Variants in ERBB4 observed in about 807,000 individuals in gnomAD.
ERBB4 encodes the protein receptor tyrosine-protein kinase erbB-4.
A neutral mutation model predicts 158.0 loss-of-function variants in ERBB4; 42 were observed. The ratio of observed to expected loss-of-function variants is 0.27; its 90% CI spans 0.21 to 0.34. The LOEUF is 0.34. ERBB4 is among the 10% of genes least tolerant of loss of function. The pLI is 1.00. For missense variants in ERBB4, 1,333 were observed against 1,624.1 expected, an observed-to-expected ratio of 0.82 and a Z score of 3.08; for synonymous variants, 583 against 558.7, an observed-to-expected ratio of 1.04 and a Z score of -0.61.
intron 1 of ERBB4, among the ~76,000 whole-genome samples, chr2:212,150,569 C>A (rs1440398918): frequency 1.3e-5 from 2 of 152,204 alleles, no homozygotes; most frequent in South Asian, 4.2e-4. Context: ...CCTCCTTTGC[C>A]TTACTTCCTT....
At chr2:212,261,448 T>C (rs748969955) in intron 1 of ERBB4, among the ~76,000 whole-genome samples, 3 of 151,940 alleles carry the variant, frequency 2.0e-5, no homozygotes, top group Non-Finnish European at 2.9e-5. Context: ...AAAAAAGAAA[T>C]TACAAAAATA....
chr2:212,213,245 G>A (rs2082994614), intron 1 of ERBB4, among the ~76,000 whole-genome samples: 1 of 151,862 alleles, frequency 6.6e-6, no homozygotes, highest in Admixed American at 6.6e-5. Context: ...ATCAGAAAGT[G>A]GGAAAGGGAT....
At chr2:212,363,971 T>C (rs1206938698) in intron 1 of ERBB4, among the ~76,000 whole-genome samples, 3 of 151,884 alleles carry the variant, frequency 2.0e-5, no homozygotes, top group South Asian at 4.1e-4. Context: ...ATGTTGAATA[T>C]AATAAGAACT....
At chr2:212,269,552 T>G (rs893962518) in intron 1 of ERBB4, among the ~76,000 whole-genome samples, 1 of 151,856 alleles carries the variant, frequency 6.6e-6, no homozygotes, top group African/African-American at 2.4e-5. Context: ...TTTGTGCAAT[T>G]AAGTATATGT....
At chr2:211,659,037 T>G (rs2071323393) in intron 15 of ERBB4, among the ~76,000 whole-genome samples, 2 of 152,210 alleles carry the variant, frequency 1.3e-5, no homozygotes, top group South Asian at 4.1e-4. Flanking sequence ...AATTTTCAAA[T>G]TTGAAAAAGC....
chr2:211,784,230 G>T lies in ERBB4; in HGVS notation c.556+3795C>A, dbSNP rs142707134. On this transcript the variant is annotated intron_variant, in intron 4 of 27. Transcript: ENST00000342788. ...TTTCAACCTTGAGCAATTGCAACTT[G>T]ACTCGTTAAAGAGCAATTGGACATT... Among the ~76,000 whole-genome samples, 3 of 152,138 alleles carry T rather than the reference G, an allele frequency of 2.0e-5. No homozygotes were observed. The East Asian group carries it at 5.8e-4, about 29-fold the overall frequency.
intron 2 of ERBB4, among the ~76,000 whole-genome samples, chr2:212,050,411 A>C (rs1258319867): frequency 6.6e-6 from 1 of 152,190 alleles, no homozygotes; most frequent in African/African-American, 2.4e-5. Flanking sequence ...GTTTGCAGAT[A>C]CATAAAGTGA....
chr2:212,151,840 G>C (rs6435694), intron 1 of ERBB4, among the ~76,000 whole-genome samples: 13,952 of 152,160 alleles, frequency 0.092, 1,219 homozygotes, highest in African/African-American at 0.23. Context: ...AGTGAGCTGA[G>C]ATTGCACCAC....
At chr2:211,823,302 A>G (rs1270422627) in intron 3 of ERBB4, among the ~76,000 whole-genome samples, 1 of 151,966 alleles carries the variant, frequency 6.6e-6, no homozygotes, top group Non-Finnish European at 1.5e-5. Context: ...ATTCAAAATT[A>G]CAATTGCTAG....
chr2:212,128,265 C>A (rs1200033036), intron 1 of ERBB4, among the ~76,000 whole-genome samples: 1 of 152,152 alleles, frequency 6.6e-6, no homozygotes, highest in Non-Finnish European at 1.5e-5. Flanking sequence ...TTTAGCTGGA[C>A]ACATGGTCAC....
intron 1 of ERBB4, among the ~76,000 whole-genome samples, chr2:212,393,126 C>T (rs1379309154): frequency 6.6e-6 from 1 of 152,020 alleles, no homozygotes; most frequent in Non-Finnish European, 1.5e-5. Flanking sequence ...AAACCTGAAC[C>T]TACTTGGGCC....
intron 12 of ERBB4, among the ~76,000 whole-genome samples, chr2:211,685,415 C>T (rs1574983286): frequency 6.6e-6 from 1 of 152,156 alleles, no homozygotes; most frequent in Admixed American, 6.6e-5. Context: ...TGCTTTTGCA[C>T]CTTTGTAAAA....
rs145231624 is a variant in ERBB4, at chr2:212,519,795, G to A, written c.82+18654C>T. On this transcript the variant is annotated intron_variant, in intron 1 of 27. Transcript: ENST00000342788. Reference sequence around the variant, plus strand: ...AAGGCACAGGGGAATATAGAGAGAGGTTGGTTAAAGAATACAAAATTATAG... The same window carrying A: ...AAGGCACAGGGGAATATAGAGAGAGATTGGTTAAAGAATACAAAATTATAG... Among the ~76,000 whole-genome samples, 422 of 151,788 alleles carry A rather than the reference G, an allele frequency of 2.8e-3. 2 individuals are homozygous for A. The highest frequency in any genetic ancestry group is 9.5e-3 in the African/African-American group (392 of 41,398).
chr2:212,139,655 T>C (rs1032348413), intron 1 of ERBB4, among the ~76,000 whole-genome samples: 1 of 152,004 alleles, frequency 6.6e-6, no homozygotes, highest in Non-Finnish European at 1.5e-5. Context: ...TGTGAATTTC[T>C]GAGAGTCTAA....
chr2:211,735,545 C>G (rs1311992938), intron 5 of ERBB4, among the ~76,000 whole-genome samples: 1 of 152,150 alleles, frequency 6.6e-6, no homozygotes, highest in South Asian at 2.1e-4. Flanking sequence ...TGCATTACGT[C>G]TCTGAAAAAC....
At chr2:212,341,972 T>C (rs73074235) in intron 1 of ERBB4, among the ~76,000 whole-genome samples, 8,788 of 152,156 alleles carry the variant, frequency 0.058, 852 homozygotes, top group African/African-American at 0.2. Context: ...CTAAAGTGGC[T>C]TGAGGGCTGG....
chr2:212,152,675 C>T (rs1416646525), intron 1 of ERBB4, among the ~76,000 whole-genome samples: 2 of 152,144 alleles, frequency 1.3e-5, no homozygotes. Flanking sequence ...CTGAGCTTTT[C>T]ACCCATACAT....
chr2:212,032,629 G>T (rs963697865), intron 2 of ERBB4, among the ~76,000 whole-genome samples: 1 of 151,956 alleles, frequency 6.6e-6, no homozygotes, highest in Non-Finnish European at 1.5e-5. Flanking sequence ...AATCTTTAGA[G>T]AAAATTACAT....
intron 1 of ERBB4, among the ~76,000 whole-genome samples, chr2:212,376,752 A>T (rs1356265000): frequency 6.6e-6 from 1 of 152,038 alleles, no homozygotes; most frequent in Non-Finnish European, 1.5e-5. Context: ...AATGGACTAA[A>T]TGTCTGGTAT....
Sources: allele counts gnomAD v4.1 joint callset (sites outside exome capture counted in the v4.1 genomes callset), GRCh38; gene constraint gnomAD v4.1.1; transcripts MANE v1.5; gene names NCBI Gene and HGNC (gene_info 2026-07-23, HGNC 2026-07-21).